ZNF609: variants seen among roughly 807,000 people sequenced by gnomAD.
ZNF609 encodes the protein zinc finger protein 609.
A neutral mutation model predicts 109.5 loss-of-function variants in ZNF609; 11 were observed. That is an observed-to-expected ratio of 0.10 (90% confidence interval 0.06 to 0.17). ZNF609 has a LOEUF of 0.17. ZNF609 is among the 10% of genes least tolerant of loss of function. The probability of loss-of-function intolerance (pLI) is 1.00; values close to 1 mark genes in which losing one functional copy is unlikely to be tolerated. For synonymous variants in ZNF609, 646 were observed against 662.0 expected (o/e 0.98, Z 0.37); for missense variants, 1,559 against 1,772.4 (o/e 0.88, Z 2.16).
At chr15:64,609,071 T>TCTTTCTCTTTCTTTC in intron 2 of ZNF609, among the ~76,000 whole-genome samples, 1 of 29,848 alleles carries the variant, frequency 3.4e-5, no homozygotes, top group African/African-American at 8.4e-5. Flanking sequence ...AATTTTTCTT[T>TCTTTCTCTTTCTTTC]CTTTCTTTCT....
intron 2 of ZNF609, among the ~76,000 whole-genome samples, chr15:64,577,194 C>T (rs1595724910): frequency 8.5e-6 from 1 of 117,184 alleles, no homozygotes; most frequent in Non-Finnish European, 1.6e-5. Flanking sequence ...TGTATATATA[C>T]ACACAAATAC....
chr15:64,544,652 A>AAG (rs1894326748), intron 2 of ZNF609, among the ~76,000 whole-genome samples: 1 of 152,184 alleles, frequency 6.6e-6, no homozygotes, highest in South Asian at 2.1e-4. Context: ...CCTTATCTGA[A>AAG]ATGCCTTTCC....
intron 2 of ZNF609, among the ~76,000 whole-genome samples, chr15:64,518,968 C>T (rs1216003388): frequency 6.6e-6 from 1 of 152,030 alleles, no homozygotes; most frequent in Non-Finnish European, 1.5e-5. Context: ...CCTGCTCTTT[C>T]TAGGGCATAC....
At chr15:64,658,565 T>TAC (rs112798266) in intron 3 of ZNF609, among the ~76,000 whole-genome samples, 12,749 of 150,794 alleles carry the variant, frequency 0.085, 747 homozygotes, top group African/African-American at 0.17. Context: ...TTGAAAGATA[T>TAC]ACACACACAC....
Position 64,674,544 on chromosome 15 carries a change from T to A in ZNF609, c.1690T>A (p.Ser564Thr). Residue 564 changes from serine (S) to threonine (T), a missense_variant, in exon 5 of 10, where the codon TCA (serine) becomes ACA (threonine). Coordinates refer to ENST00000326648, the MANE Select transcript of ZNF609 (RefSeq NM_015042.2). ...SQKGSLSPAR[S>T]ATPKVRLVEP... ...AAAAGGTTCCTTGTCCCCTGCCCGC[T>A]CAGCTACCCCCAAAGTTCGACTTGT... is the stretch of plus-strand genomic sequence containing the variant. 2 of 1,614,028 alleles carry A rather than the reference T, an allele frequency of 1.2e-6. No homozygotes were observed. The highest frequency in any genetic ancestry group is 1.7e-6 in the Non-Finnish European group (2 of 1,179,990).
At chr15:64,529,453 G>A in intron 2 of ZNF609, 1 of 960,606 alleles carries the variant, frequency 1.0e-6, no homozygotes, top group Non-Finnish European at 1.7e-6. Flanking sequence ...ATGGGTGATG[G>A]GGTTTCCATT....
At chr15:64,506,925 T>C (rs901672377) in intron 2 of ZNF609, among the ~76,000 whole-genome samples, 1 of 152,174 alleles carries the variant, frequency 6.6e-6, no homozygotes, top group African/African-American at 2.4e-5. Context: ...TGAATAGATA[T>C]ACATGTTAGC....
At chr15:64,626,793 G>C (rs1462506518) in intron 3 of ZNF609, among the ~76,000 whole-genome samples, 2 of 152,016 alleles carry the variant, frequency 1.3e-5, no homozygotes, top group African/African-American at 2.4e-5. Context: ...TGATAATTCA[G>C]TAAGCACTGC....
chr15:64,660,914 T>C, intron 3 of ZNF609, among the ~76,000 whole-genome samples: 1 of 152,164 alleles, frequency 6.6e-6, no homozygotes, highest in Non-Finnish European at 1.5e-5. Context: ...TCTTCTGCTT[T>C]GTTTTTCTCC....
rs575542779 is a variant in ZNF609 at position 64,610,874 on chromosome 15, A to G, written c.748-11953A>G. 1.1e-4 allele frequency among the ~76,000 whole-genome samples: 16 copies of G among 152,232 alleles called. No individual in the cohort carries two copies. In the South Asian group the frequency reaches 3.3e-3, roughly 32 times the overall value. ...TTGGTCCAGCCACGTTATAGGTTAAATAGATTTCTGTGGGCCGGCCTAGGA... is the reference window on the plus strand; with the variant it reads ...TTGGTCCAGCCACGTTATAGGTTAAGTAGATTTCTGTGGGCCGGCCTAGGA... On this transcript the variant is annotated intron_variant, in intron 2 of 9. Coordinates refer to ENST00000326648, the MANE Select transcript of ZNF609 (RefSeq NM_015042.2).
At chr15:64,666,086 A>AG (rs1043496028) in intron 3 of ZNF609, among the ~76,000 whole-genome samples, 1 of 148,016 alleles carries the variant, frequency 6.8e-6, no homozygotes, top group Non-Finnish European at 1.5e-5. Context: ...AAAAAAAAAA[A>AG]AAACACACAC....
rs1442659717 is a variant in ZNF609 at position 64,616,559 on chromosome 15, G to A, written c.748-6268G>A. ...TTTTGAGATGGAGTCTCACTCTGTC[G>A]CCCAGGCTGGAGTGCAGTGGCGTGA... On this transcript the variant is annotated intron_variant, in intron 2 of 9. Coordinates refer to ENST00000326648, the MANE Select transcript of ZNF609 (RefSeq NM_015042.2). Among the ~76,000 whole-genome samples the A allele has an allele frequency of 8.7e-5, 10 of 115,418 alleles. No homozygotes were observed. The South Asian group carries it at 2.0e-3, about 23-fold the overall frequency. 75.7% of individuals were successfully genotyped at this position (115,418 alleles called of 152,430 possible). A position where few individuals can be genotyped will look rare whatever the true frequency, so the allele number is the denominator to read the frequency against.
chr15:64,511,514 T>TCGTC (rs2140358078), intron 2 of ZNF609, among the ~76,000 whole-genome samples: 1 of 149,522 alleles, frequency 6.7e-6, no homozygotes, highest in African/African-American at 2.5e-5. Context: ...GTATATATAG[T>TCGTC]CGTCATACTT....
rs576206047 is a variant in ZNF609 at position 64,529,629 on chromosome 15, C to T, written c.747+29463C>T. The T allele has an allele frequency of 5.3e-6, 5 of 942,696 alleles. No individual in the cohort carries two copies. In the African/African-American group the frequency reaches 8.0e-5, roughly 15 times the overall value. 58.4% of individuals were successfully genotyped at this position (942,696 alleles called of 1,614,324 possible). ...AAGCAGTCATGGTGCACCAGGCACCCAGTACGACCAAATCTGTTGACTCTG... is the reference window on the plus strand; with the variant it reads ...AAGCAGTCATGGTGCACCAGGCACCTAGTACGACCAAATCTGTTGACTCTG... On this transcript the variant is annotated intron_variant, in intron 2 of 9. Transcript: ENST00000326648.
chr15:64,576,520 A>G (rs1246232115), intron 2 of ZNF609, among the ~76,000 whole-genome samples: 1 of 152,114 alleles, frequency 6.6e-6, no homozygotes, highest in South Asian at 2.1e-4. Context: ...TAAACTTGCA[A>G]TATCTTTAAA....
chr15:64,558,386 A>T (rs1894624626), intron 2 of ZNF609, among the ~76,000 whole-genome samples: 1 of 152,178 alleles, frequency 6.6e-6, no homozygotes, highest in South Asian at 2.1e-4. Context: ...AATGTGAATA[A>T]TAGTTTCAGC....
chr15:64,506,211 C>T (rs1182357470), intron 2 of ZNF609, among the ~76,000 whole-genome samples: 1 of 151,086 alleles, frequency 6.6e-6, no homozygotes, highest in East Asian at 2.0e-4. Flanking sequence ...TGCAGTGGTG[C>T]AGTCTCTGCT....
chr15:64,539,206 A>G (rs1001824264), intron 2 of ZNF609, among the ~76,000 whole-genome samples: 12 of 126,000 alleles, frequency 9.5e-5, no homozygotes, highest in African/African-American at 3.7e-4. Context: ...TTATTTATTT[A>G]TTATTTTTTA....
At chr15:64,536,204 T>C (rs957832851) in intron 2 of ZNF609, among the ~76,000 whole-genome samples, 3 of 152,294 alleles carry the variant, frequency 2.0e-5, no homozygotes, top group African/African-American at 7.2e-5. Context: ...TATTTGTTTG[T>C]GGAGACAGGG....
Sources: gnomAD v4.1 joint callset for allele counts (sites outside exome capture counted in the v4.1 genomes callset) on GRCh38, gnomAD v4.1.1 for gene constraint, MANE v1.5 for transcripts, NCBI Gene and HGNC (gene_info 2026-07-23, HGNC 2026-07-21) for gene names.